LRRC4C: variants seen among roughly 807,000 people sequenced by gnomAD.
LRRC4C encodes the protein leucine-rich repeat-containing protein 4C.
LRRC4C carries 5 observed loss-of-function variants against 33.6 expected under a neutral mutation model. The ratio of observed to expected loss-of-function variants is 0.15; its 90% CI spans 0.08 to 0.31. LRRC4C has a LOEUF of 0.31. LRRC4C is among the 10% of genes least tolerant of loss of function. The pLI, the probability that LRRC4C is intolerant of heterozygous loss-of-function variation, is 1.00. For missense variants in LRRC4C, 560 were observed against 796.7 expected, an observed-to-expected ratio of 0.70 and a Z score of 3.58; for synonymous variants, 329 against 302.0, an observed-to-expected ratio of 1.09 and a Z score of -0.93.
chr11:40,650,944 C>G (rs1942759435), intron 2 of LRRC4C, among the ~76,000 whole-genome samples: 1 of 152,096 alleles, frequency 6.6e-6, no homozygotes, highest in African/African-American at 2.4e-5. Flanking sequence ...TGAAACATCC[C>G]TAAACTGCAC....
chr11:41,015,177 G>A (rs1439003361), intron 1 of LRRC4C, among the ~76,000 whole-genome samples: 1 of 151,890 alleles, frequency 6.6e-6, no homozygotes, highest in Non-Finnish European at 1.5e-5. Flanking sequence ...CATTTTAGGA[G>A]TCCACCAACT....
At chr11:41,117,253 G>A (rs1165322399) in intron 1 of LRRC4C, among the ~76,000 whole-genome samples, 1 of 152,156 alleles carries the variant, frequency 6.6e-6, no homozygotes, top group Non-Finnish European at 1.5e-5. Flanking sequence ...ATTGCTGACT[G>A]CAGCACTGAG....
chr11:41,348,862 C>A (rs1316610923), intron 1 of LRRC4C, among the ~76,000 whole-genome samples: 1 of 152,200 alleles, frequency 6.6e-6, no homozygotes, highest in African/African-American at 2.4e-5. Context: ...CCACATACAT[C>A]TGAGCTAGCA....
At chr11:41,236,369 A>T (rs565319692) in intron 1 of LRRC4C, among the ~76,000 whole-genome samples, 1 of 152,202 alleles carries the variant, frequency 6.6e-6, no homozygotes, top group South Asian at 2.1e-4. Flanking sequence ...ACAGAATTTT[A>T]ACTGATACTG....
At chr11:41,225,284 C>T (rs1947479562) in intron 1 of LRRC4C, among the ~76,000 whole-genome samples, 2 of 152,088 alleles carry the variant, frequency 1.3e-5, no homozygotes, top group South Asian at 4.1e-4. Context: ...TTTAAAATAA[C>T]TAAAAGAGTT....
At chr11:41,058,423 T>C (rs895259323) in intron 1 of LRRC4C, among the ~76,000 whole-genome samples, 1 of 152,232 alleles carries the variant, frequency 6.6e-6, no homozygotes, top group East Asian at 1.9e-4. Context: ...CCCCTTACTG[T>C]TCCATGCCTG....
chr11:40,929,501 T>C (rs1270017545), intron 2 of LRRC4C, among the ~76,000 whole-genome samples: 3 of 152,222 alleles, frequency 2.0e-5, no homozygotes, highest in Admixed American at 2.0e-4. Flanking sequence ...AAAATGTAGT[T>C]TGGGTGTACT....
chr11:41,151,912 A>G lies in LRRC4C; in HGVS notation c.-495-218189T>C, dbSNP rs145597334. ...ATGTCTAATGTAAAAAGTTCAGCAC[A>G]GAATACATGAATTATTTCCTTGAAT... On this transcript the variant is annotated intron_variant, in intron 1 of 6. Transcript: ENST00000528697. 6.2e-3 allele frequency among the ~76,000 whole-genome samples: 947 copies of G among 152,370 alleles called. 15 individuals carry two copies. Among genetic ancestry groups the G allele is most frequent in the African/African-American group, 0.022 (899 of 41,594 alleles).
chr11:40,607,579 C>T (rs542769895), intron 3 of LRRC4C, among the ~76,000 whole-genome samples: 9 of 152,168 alleles, frequency 5.9e-5, no homozygotes, highest in African/African-American at 1.7e-4. Context: ...GCTGAGCAGC[C>T]GGACTCCAGG....
intron 4 of LRRC4C, among the ~76,000 whole-genome samples, chr11:40,261,846 T>C (rs1200231482): frequency 1.3e-5 from 2 of 152,094 alleles, no homozygotes; most frequent in African/African-American, 2.4e-5. Flanking sequence ...TCAGGACGGA[T>C]TAAAGACTTA....
intron 1 of LRRC4C, among the ~76,000 whole-genome samples, chr11:41,294,424 C>T (rs75507664): frequency 2.2e-4 from 33 of 152,296 alleles, no homozygotes; most frequent in Non-Finnish European, 4.4e-4. Flanking sequence ...CACCTCTGTA[C>T]AGGATTTGCC....
At chr11:40,341,610 C>T (rs1302931870) in intron 3 of LRRC4C, among the ~76,000 whole-genome samples, 1 of 152,106 alleles carries the variant, frequency 6.6e-6, no homozygotes, top group African/African-American at 2.4e-5. Flanking sequence ...ATGGGTGCAG[C>T]ACACCAACAT....
intron 1 of LRRC4C, among the ~76,000 whole-genome samples, chr11:41,073,649 T>A (rs570088707): frequency 3.3e-5 from 5 of 152,348 alleles, no homozygotes; most frequent in African/African-American, 1.2e-4. Context: ...ACAAGAATCA[T>A]GGTTCAATAT....
At chr11:40,801,729 G>T (rs1429490332) in intron 2 of LRRC4C, among the ~76,000 whole-genome samples, 1 of 151,890 alleles carries the variant, frequency 6.6e-6, no homozygotes, top group Non-Finnish European at 1.5e-5. Context: ...CATTTTTTAG[G>T]TCACAAACAG....
At chr11:40,136,223 A>T (rs760239389) in intron 6 of LRRC4C, among the ~76,000 whole-genome samples, 2 of 138,728 alleles carry the variant, frequency 1.4e-5, no homozygotes, top group Non-Finnish European at 3.1e-5. Context: ...CTGGTCTCCT[A>T]AAAAAAAAAA....
At chr11:40,685,329 T>G (rs1944901891) in intron 2 of LRRC4C, among the ~76,000 whole-genome samples, 2 of 152,050 alleles carry the variant, frequency 1.3e-5, no homozygotes. Context: ...AGCAGTCTTT[T>G]TGTGTGAATG....
intron 1 of LRRC4C, among the ~76,000 whole-genome samples, chr11:41,039,361 T>C (rs1054512419): frequency 6.6e-6 from 1 of 152,194 alleles, no homozygotes; most frequent in Non-Finnish European, 1.5e-5. Context: ...TATTAACACT[T>C]CTGTGTTAAG....
chr11:41,393,438 T>C (rs1014534430), intron 1 of LRRC4C, among the ~76,000 whole-genome samples: 1 of 151,774 alleles, frequency 6.6e-6, no homozygotes, highest in South Asian at 2.1e-4. Context: ...AACTGATCCA[T>C]GTGCAATGTC....
chr11:41,136,108 G>A (rs2087150), intron 1 of LRRC4C, among the ~76,000 whole-genome samples: 6 of 152,056 alleles, frequency 3.9e-5, no homozygotes, highest in Non-Finnish European at 8.8e-5. Context: ...CAGTGGTCTA[G>A]GAAGTGGATA....
Sources: gnomAD v4.1 joint callset for allele counts (sites outside exome capture counted in the v4.1 genomes callset) on GRCh38, gnomAD v4.1.1 for gene constraint, MANE v1.5 for transcripts, NCBI Gene and HGNC (gene_info 2026-07-23, HGNC 2026-07-21) for gene names.